PKIB: variants seen among roughly 807,000 people sequenced by gnomAD.
PKIB encodes PKI-beta.
In PKIB, 2 loss-of-function variants were observed where a neutral mutation model predicts 4.5. The ratio of observed to expected loss-of-function variants is 0.44; its 90% CI spans 0.18 to 1.39. PKIB has a LOEUF of 1.39. Among genes scored for constraint, PKIB ranks in the 40% most tolerant of loss-of-function variants. The pLI, the probability that PKIB is intolerant of heterozygous loss-of-function variation, is 0.27. For synonymous variants in PKIB, 38 were observed against 36.0 expected, an observed-to-expected ratio of 1.06 and a Z score of -0.20; for missense variants, 94 against 92.6, an observed-to-expected ratio of 1.02 and a Z score of -0.06.
intron 2 of PKIB, among the ~76,000 whole-genome samples, chr6:122,502,920 A>C (rs1473306173): frequency 6.6e-6 from 1 of 152,172 alleles, no homozygotes; most frequent in East Asian, 1.9e-4. Flanking sequence ...TATACACTGC[A>C]AACTGGGTGG....
intron 1 of PKIB, among the ~76,000 whole-genome samples, chr6:122,615,219 T>C (rs138615097): frequency 1.4e-4 from 22 of 152,238 alleles, no homozygotes; most frequent in African/African-American, 5.1e-4. Flanking sequence ...TTTAAATATG[T>C]CTTTCTAACA....
chr6:122,724,641 C>G (rs1779880058), intron 4 of PKIB, among the ~76,000 whole-genome samples: 1 of 151,948 alleles, frequency 6.6e-6, no homozygotes. Context: ...GAACTCCTGT[C>G]TGATAACTTT....
At chr6:122,494,321 T>A (rs1776018226) in intron 2 of PKIB, among the ~76,000 whole-genome samples, 1 of 148,488 alleles carries the variant, frequency 6.7e-6, no homozygotes, top group South Asian at 2.1e-4. Context: ...TTTCTGGACT[T>A]CTATTTACCC....
intron 3 of PKIB, among the ~76,000 whole-genome samples, chr6:122,594,452 G>T (rs1168688539): frequency 3.9e-5 from 6 of 152,136 alleles, no homozygotes; most frequent in Non-Finnish European, 5.9e-5. Flanking sequence ...TGATCTGCCC[G>T]CCTCAGCCTC....
In PKIB at chr6:122,672,637, A is replaced by G. The variant is rs1221696402; in HGVS notation, c.-75-2441A>G. On this transcript the variant is annotated intron_variant, in intron 2 of 4. Transcript: ENST00000368452. ...TAGAAACATGCAAATTCTGCATCGT[A>G]CACTGAGGATCATGAAAAAATATTA... Among the ~76,000 whole-genome samples the G allele has an allele frequency of 3.3e-5, 5 of 152,120 alleles. 1 individual carries two copies. The highest frequency in any genetic ancestry group is 3.3e-4 in the Admixed American group (5 of 15,264).
At chr6:122,570,050 T>C (rs1773314136) in intron 2 of PKIB, among the ~76,000 whole-genome samples, 1 of 152,188 alleles carries the variant, frequency 6.6e-6, no homozygotes, top group African/African-American at 2.4e-5. Flanking sequence ...ACAGCTTTCC[T>C]AGAACAAGTC....
At chr6:122,512,774 C>G (rs1282134661) in intron 2 of PKIB, among the ~76,000 whole-genome samples, 1 of 152,200 alleles carries the variant, frequency 6.6e-6, no homozygotes, top group African/African-American at 2.4e-5. Context: ...AAGACCAAGA[C>G]AGCTATGTGT....
intron 3 of PKIB, among the ~76,000 whole-genome samples, chr6:122,710,778 G>T (rs1326288372): frequency 6.6e-6 from 1 of 152,142 alleles, no homozygotes; most frequent in African/African-American, 2.4e-5. Flanking sequence ...TGCAGAGTTG[G>T]TGTTACATAA....
At chr6:122,504,717 T>C (rs1776345464) in intron 2 of PKIB, among the ~76,000 whole-genome samples, 1 of 152,236 alleles carries the variant, frequency 6.6e-6, no homozygotes. Flanking sequence ...TCTATTGTAT[T>C]TTGTTATAGA....
chr6:122,637,295 A>G (rs1445876173), intron 2 of PKIB, among the ~76,000 whole-genome samples: 1 of 152,202 alleles, frequency 6.6e-6, no homozygotes, highest in Non-Finnish European at 1.5e-5. Context: ...GGGGAAATGG[A>G]ATTAATGAAT....
chr6:122,557,112 AG>A (rs373432574), intron 2 of PKIB, among the ~76,000 whole-genome samples: 11 of 152,318 alleles, frequency 7.2e-5, no homozygotes, highest in African/African-American at 2.4e-4. Context: ...GCTACTCAGA[AG>A]GCTGAGGCAC....
chr6:122,597,717 A>C (rs961601832), intron 3 of PKIB, among the ~76,000 whole-genome samples: 2 of 152,184 alleles, frequency 1.3e-5, no homozygotes, highest in Admixed American at 6.5e-5. Flanking sequence ...AATGGTTTCC[A>C]TTTGGCCTTT....
chr6:122,485,405 A>C (rs1775737052), intron 2 of PKIB, among the ~76,000 whole-genome samples: 1 of 152,194 alleles, frequency 6.6e-6, no homozygotes, highest in Admixed American at 6.5e-5. Flanking sequence ...TCATCTATAA[A>C]GTATTAATTT....
chr6:122,489,804 T>A (rs1775886751), intron 2 of PKIB, among the ~76,000 whole-genome samples: 2 of 152,244 alleles, frequency 1.3e-5, no homozygotes, highest in South Asian at 4.1e-4. Flanking sequence ...GACAACTCAA[T>A]CCATTCAGTC....
intron 2 of PKIB, among the ~76,000 whole-genome samples, chr6:122,547,399 G>A (rs897190736): frequency 2.0e-4 from 31 of 152,072 alleles, no homozygotes; most frequent in Admixed American, 5.2e-4. Flanking sequence ...GCAATGGCAC[G>A]ATCTCAGCTC....
At chr6:122,694,880 A>G (rs1778505936) in intron 3 of PKIB, among the ~76,000 whole-genome samples, 1 of 152,172 alleles carries the variant, frequency 6.6e-6, no homozygotes. Flanking sequence ...CCTGGATTTG[A>G]CAGTAGATGC....
At chr6:122,607,539 C>G (rs1192031495), upstream of PKIB, among the ~76,000 whole-genome samples, 2 of 151,938 alleles carry the variant, frequency 1.3e-5, no homozygotes, top group African/African-American at 4.8e-5. Context: ...ACACGTAGAT[C>G]CCTGCTCAAC....
intron 2 of PKIB, among the ~76,000 whole-genome samples, chr6:122,637,538 C>T (rs957850408): frequency 6.6e-6 from 1 of 151,990 alleles, no homozygotes; most frequent in African/African-American, 2.4e-5. Flanking sequence ...AGGTGGATCA[C>T]GAGGTCAGGA....
chr6:122,568,933 A>G (rs1308722201), intron 2 of PKIB, among the ~76,000 whole-genome samples: 1 of 152,054 alleles, frequency 6.6e-6, no homozygotes, highest in African/African-American at 2.4e-5. Context: ...CTGTTAGTGG[A>G]GCACTGTGGG....
Sources: gnomAD v4.1 joint callset for allele counts (sites outside exome capture counted in the v4.1 genomes callset) on GRCh38, gnomAD v4.1.1 for gene constraint, MANE v1.5 for transcripts, NCBI Gene and HGNC (gene_info 2026-07-23, HGNC 2026-07-21) for gene names.